Variants in TPM4 observed in about 807,000 individuals in gnomAD.
The protein encoded by TPM4 is tropomyosin 4, also known as tropomyosin alpha-4 chain.
A neutral mutation model predicts 35.8 loss-of-function variants in TPM4; 17 were observed. The ratio of observed to expected loss-of-function variants is 0.47; its 90% CI spans 0.32 to 0.71. The LOEUF (loss-of-function observed/expected upper bound fraction) is 0.71. Ranked by LOEUF, TPM4 falls within the 30% of genes least tolerant of loss-of-function variation. TPM4 has a pLI of 0.03. For missense variants in TPM4, 240 were observed against 320.9 expected, an observed-to-expected ratio of 0.75 and a Z score of 1.93; for synonymous variants, 120 against 122.9, an observed-to-expected ratio of 0.98 and a Z score of 0.15.
At chr19:16,082,284 G>T (rs754225007) in intron 2 of TPM4, among the ~76,000 whole-genome samples, 5 of 151,712 alleles carry the variant, frequency 3.3e-5, no homozygotes, top group African/African-American at 4.8e-5. Flanking sequence ...CAAGGCGGAC[G>T]GATCACCTGA....
upstream of TPM4, chr19:16,076,120 A>C (rs761869483): frequency 1.3e-6 from 2 of 1,590,360 alleles, no homozygotes; most frequent in Admixed American, 3.6e-5. Flanking sequence ...TATTCCGAGG[A>C]CCTGAAGGAC....
intron 7 of TPM4, among the ~76,000 whole-genome samples, chr19:16,097,409 G>A (rs1197381859): frequency 6.6e-6 from 1 of 152,030 alleles, no homozygotes; most frequent in Non-Finnish European, 1.5e-5. Context: ...CAAGTAGCTG[G>A]GACTACAGGC....
chr19:16,081,796 C>A (rs563984755), intron 1 of TPM4, 117 bp from the exon 2 acceptor site: 9 of 1,353,654 alleles, frequency 6.6e-6, no homozygotes, highest in Middle Eastern at 2.9e-4. Flanking sequence ...ATGGCCTGGA[C>A]TCCTGGGTGG....
chr19:16,076,338 T>G, upstream of TPM4: 1 of 1,477,936 alleles, frequency 6.8e-7, no homozygotes, highest in Non-Finnish European at 8.9e-7. Context: ...CCAGCAGCTG[T>G]GGCCAGCGGT....
intron 5 of TPM4, among the ~76,000 whole-genome samples, chr19:16,089,655 C>G (rs1307607512): frequency 1.3e-5 from 2 of 148,360 alleles, no homozygotes; most frequent in Non-Finnish European, 3.0e-5. Context: ...TCTCCCATCA[C>G]CTCCACCCCC....
chr19:16,092,253 G>T (rs2090636634), intron 5 of TPM4, among the ~76,000 whole-genome samples: 1 of 152,014 alleles, frequency 6.6e-6, no homozygotes, highest in African/African-American at 2.4e-5. Flanking sequence ...ATGCTAAGGG[G>T]TGCATTCATG....
chr19:16,082,158 T>C (rs2090491785), intron 2 of TPM4, 112 bp downstream of exon 2: 2 of 1,386,210 alleles, frequency 1.4e-6, no homozygotes, highest in Admixed American at 2.4e-5. Context: ...AGGACATGCA[T>C]GTGTCCACAA....
chr19:16,087,695 C>T (rs112405590), intron 3 of TPM4, among the ~76,000 whole-genome samples: 1 of 151,896 alleles, frequency 6.6e-6, no homozygotes, highest in Non-Finnish European at 1.5e-5. Context: ...AGCCTGGCCA[C>T]TACGGTGAAA....
rs554107472 is a variant in TPM4 at position 16,102,554 on chromosome 19, A to T, written c.*1208A>T. ...TAAAAACTGGCCCAACTTCATTTCC[A>T]TACTTCAGGGAACAGCAAATTGAGG... On this transcript the variant is annotated 3_prime_UTR_variant, in exon 8 of 8. Coordinates refer to ENST00000643579, the MANE Select transcript of TPM4 (RefSeq NM_003290.3). 6 of 226,844 alleles carry T rather than the reference A, an allele frequency of 2.6e-5. 1 individual carries two copies. In the East Asian group the frequency reaches 3.8e-4, roughly 14 times the overall value. 14.1% of individuals were successfully genotyped at this position (226,844 alleles called of 1,614,324 possible).
chr19:16,073,906 C>T (rs1295420336), upstream of TPM4, among the ~76,000 whole-genome samples: 1 of 137,250 alleles, frequency 7.3e-6, no homozygotes, highest in African/African-American at 2.8e-5. Context: ...CACACCACTG[C>T]ACTCCAGCCT....
intron 3 of TPM4, 44 bp from the exon 4 acceptor site, chr19:16,087,983 G>C (rs114561872): frequency 1.9e-4 from 303 of 1,582,778 alleles, no homozygotes; most frequent in Middle Eastern, 1.1e-3. Context: ...GAGAGGACAC[G>C]GCTGGTGGGG....
In TPM4 at chr19:16,091,629, G is replaced by A. The variant is rs542486310; in HGVS notation, c.532-1907G>A. 2.0e-5 allele frequency among the ~76,000 whole-genome samples: 3 copies of A among 152,178 alleles called. No individual in the cohort carries two copies. In the East Asian group the frequency reaches 5.8e-4, roughly 30 times the overall value. ...GTCTCTACCAAAAATACAAAAACTA[G>A]CTGGGCATGGTGGTGCATGCTTGTG... is the stretch of plus-strand genomic sequence containing the variant. On this transcript the variant is annotated intron_variant, in intron 5 of 7. Transcript: ENST00000643579.
At chr19:16,095,298 T>A in intron 7 of TPM4, 1 of 1,035,166 alleles carries the variant, frequency 9.7e-7, no homozygotes, top group Non-Finnish European at 1.2e-6. Flanking sequence ...AGTACAAAGC[T>A]ATCAGCGAGG....
At chr19:16,068,511 C>A (rs986565018) in intron 2 of TPM4, among the ~76,000 whole-genome samples, 1 of 151,648 alleles carries the variant, frequency 6.6e-6, no homozygotes, top group South Asian at 2.1e-4. Flanking sequence ...TGTGTGTGTG[C>A]GTGAGCATTT....
chr19:16,093,811 C>A, intron 7 of TPM4, 58 bp downstream of exon 7: 1 of 1,591,848 alleles, frequency 6.3e-7, no homozygotes, highest in South Asian at 1.1e-5. Flanking sequence ...GGGACACATC[C>A]ACGGACAGTT....
chr19:16,071,079 T>A (rs1237337604), intron 2 of TPM4, among the ~76,000 whole-genome samples: 1 of 152,170 alleles, frequency 6.6e-6, no homozygotes, highest in Non-Finnish European at 1.5e-5. Context: ...TTATGCCTTT[T>A]TTGTCCCACA....
At chr19:16,076,251 G>A (rs1285000448), upstream of TPM4, 26 of 1,541,438 alleles carry the variant, frequency 1.7e-5, no homozygotes, top group Non-Finnish European at 2.2e-5. Flanking sequence ...AGAGCCGCAG[G>A]GGGAGGAGGA....
chr19:16,093,194 T>G, intron 5 of TPM4: 2 of 195,666 alleles, frequency 1.0e-5, no homozygotes, highest in South Asian at 9.7e-5. Context: ...GTTTTTGTTG[T>G]TGTTGTTGTT....
At chr19:16,076,477 G>A (rs1026225475), upstream of TPM4, 9 of 1,333,538 alleles carry the variant, frequency 6.7e-6, no homozygotes, top group Admixed American at 2.5e-4. Flanking sequence ...CAAAGGCTTG[G>A]GGGGCCGGGG....
Sources: allele counts gnomAD v4.1 joint callset (sites outside exome capture counted in the v4.1 genomes callset), GRCh38; gene constraint gnomAD v4.1.1; transcripts MANE v1.5; gene names NCBI Gene and HGNC (gene_info 2026-07-23, HGNC 2026-07-21).